Variants in FAM135B observed in about 807,000 individuals in gnomAD.
FAM135B encodes the protein protein FAM135B.
A neutral mutation model predicts 127.7 loss-of-function variants in FAM135B; 43 were observed. The observed-to-expected ratio is 0.34, with a 90% CI of 0.26 to 0.43. FAM135B has a LOEUF of 0.43. FAM135B is among the 20% of genes least tolerant of loss of function. The probability of loss-of-function intolerance (pLI) is 1.00; values close to 1 mark genes in which losing one functional copy is unlikely to be tolerated. For synonymous variants in FAM135B, 670 were observed against 665.1 expected, an observed-to-expected ratio of 1.01 and a Z score of -0.11; for missense variants, 1,558 against 1,725.6, an observed-to-expected ratio of 0.90 and a Z score of 1.72.
At chr8:138,230,759 C>T (rs1056102843) in intron 7 of FAM135B, among the ~76,000 whole-genome samples, 1 of 152,110 alleles carries the variant, frequency 6.6e-6, no homozygotes, top group Non-Finnish European at 1.5e-5. Context: ...CTACCTCTTG[C>T]CCTACAGCAC....
rs576561258 is a variant in FAM135B, at chr8:138,453,352, T to A, written c.-20+43319A>T. ...TATCCCATATAAAAATACCTATTAT[T>A]TATACAAGAATATTTCCTGTAGGCA... is the stretch of plus-strand genomic sequence containing the variant. On this transcript the variant is annotated intron_variant, in intron 1 of 19. Coordinates refer to ENST00000395297, the MANE Select transcript of FAM135B (RefSeq NM_015912.4). 5.1e-4 allele frequency among the ~76,000 whole-genome samples: 78 copies of A among 152,016 alleles called. No homozygotes were observed. The South Asian group carries it at 0.016, about 31-fold the overall frequency.
intron 3 of FAM135B, among the ~76,000 whole-genome samples, chr8:138,275,787 T>C (rs2130707803): frequency 6.6e-6 from 1 of 152,220 alleles, no homozygotes; most frequent in South Asian, 2.1e-4. Flanking sequence ...TTTACTATGG[T>C]TAATTGGCCC....
chr8:138,215,349 A>G (rs1818464453), intron 7 of FAM135B, among the ~76,000 whole-genome samples: 2 of 152,332 alleles, frequency 1.3e-5, no homozygotes, highest in Admixed American at 1.3e-4. Flanking sequence ...TAAATACTCA[A>G]AATAATATTT....
At chr8:138,191,762 C>A (rs1450754567) in intron 9 of FAM135B, among the ~76,000 whole-genome samples, 2 of 152,224 alleles carry the variant, frequency 1.3e-5, no homozygotes, top group Non-Finnish European at 2.9e-5. Context: ...GGACATTTAA[C>A]CATATTCCCT....
At chr8:138,482,432 A>C (rs1814818827) in intron 1 of FAM135B, among the ~76,000 whole-genome samples, 1 of 152,164 alleles carries the variant, frequency 6.6e-6, no homozygotes, top group Admixed American at 6.5e-5. Context: ...AGAGGATCCC[A>C]TACCATGCTT....
intron 7 of FAM135B, among the ~76,000 whole-genome samples, chr8:138,225,675 T>C (rs1472459674): frequency 6.6e-6 from 1 of 151,870 alleles, no homozygotes; most frequent in Non-Finnish European, 1.5e-5. Flanking sequence ...TAGGAGAAAA[T>C]GATTGAGGGA....
chr8:138,315,579 A>G (rs758698900), intron 2 of FAM135B, among the ~76,000 whole-genome samples: 2 of 152,146 alleles, frequency 1.3e-5, no homozygotes, highest in Non-Finnish European at 1.5e-5. Context: ...ATAAGTGCCC[A>G]GCAATGAATC....
At chr8:138,161,571 AATGC>A (rs1819394488) in intron 12 of FAM135B, among the ~76,000 whole-genome samples, 1 of 152,256 alleles carries the variant, frequency 6.6e-6, no homozygotes, top group South Asian at 2.1e-4. Flanking sequence ...AAGTTAAATC[AATGC>A]AATCACTATT....
Position 138,153,042 on chromosome 8 carries a change from C to G in FAM135B, c.1433G>C (p.Arg478Thr). The G allele has an allele frequency of 6.2e-7, 1 of 1,614,116 alleles. No homozygotes were observed. Among genetic ancestry groups the G allele is most frequent in the Non-Finnish European group, 8.5e-7 (1 of 1,180,016 alleles). Residue 478 changes from arginine to threonine, a missense_variant, in exon 13 of 20, where the codon AGG becomes ACG. By Grantham distance (71) the Arg-to-Thr change is moderately conservative. Around this residue, in one of 5 missense-constraint regions of FAM135B, gnomAD observed 923 missense variants for 865.3 expected, o/e 1.07. Coordinates refer to ENST00000395297, the MANE Select transcript of FAM135B (RefSeq NM_015912.4). ...CACATTCTCACCTGGCTCTGGACAC[C>G]TTATAACTTCTTCATCAGAATCCAT... ...SQMDSDEEVI[R>T]CPEPGENVAT...
intron 3 of FAM135B, among the ~76,000 whole-genome samples, chr8:138,276,194 T>C (rs73439062): frequency 0.046 from 7,037 of 152,258 alleles, 190 homozygotes; most frequent in East Asian, 0.08. Context: ...CTCAGCAAAT[T>C]GGAGGCAAAG....
At chr8:138,193,459 T>C (rs1157482204) in intron 9 of FAM135B, among the ~76,000 whole-genome samples, 2 of 152,122 alleles carry the variant, frequency 1.3e-5, no homozygotes, top group Non-Finnish European at 2.9e-5. Flanking sequence ...AGTGGGCGTA[T>C]TGACAAATAG....
chr8:138,146,349 A>T (rs9324483), intron 14 of FAM135B, among the ~76,000 whole-genome samples: 1 of 151,986 alleles, frequency 6.6e-6, no homozygotes. Flanking sequence ...GAGATACACC[A>T]CCTCCCCTTC....
chr8:138,439,296 T>A lies in FAM135B; in HGVS notation c.-20+57375A>T, dbSNP rs529724209. 3 of 152,316 alleles carry A rather than the reference T, an allele frequency of 2.0e-5. No individual in the cohort carries two copies. In the South Asian group the frequency reaches 6.2e-4, roughly 32 times the overall value. 9.4% of individuals were successfully genotyped at this position (152,316 alleles called of 1,614,324 possible). A position where few individuals can be genotyped will look rare whatever the true frequency, so the allele number is the denominator to read the frequency against. ...GCCCTGTGTGGTCAATATGAGAGAA[T>A]CATAGCACATAGGACAATAAATGAC... On this transcript the variant is annotated intron_variant, in intron 1 of 19. Transcript: ENST00000395297.
chr8:138,306,221 G>C (rs1190300145), intron 3 of FAM135B, among the ~76,000 whole-genome samples: 1 of 151,856 alleles, frequency 6.6e-6, no homozygotes, highest in Non-Finnish European at 1.5e-5. Context: ...GATCACTTGA[G>C]GTCAGGAGTG....
intron 1 of FAM135B, among the ~76,000 whole-genome samples, chr8:138,494,898 G>C (rs755004600): frequency 6.6e-6 from 1 of 151,104 alleles, no homozygotes; most frequent in Non-Finnish European, 1.5e-5. Context: ...CAAACTAGAC[G>C]AGTGCTGCAT....
At chr8:138,289,936 A>G (rs928475288) in intron 3 of FAM135B, among the ~76,000 whole-genome samples, 15 of 152,348 alleles carry the variant, frequency 9.8e-5, no homozygotes, top group African/African-American at 3.6e-4. Flanking sequence ...ATGACAGATC[A>G]TCAACTATAT....
intron 3 of FAM135B, among the ~76,000 whole-genome samples, chr8:138,284,023 T>C (rs940532886): frequency 3.9e-5 from 6 of 152,042 alleles, no homozygotes; most frequent in Non-Finnish European, 8.8e-5. Flanking sequence ...GTGTGGGTGG[T>C]ATACGGGAAA....
intron 2 of FAM135B, among the ~76,000 whole-genome samples, chr8:138,352,533 G>A (rs903696486): frequency 6.6e-6 from 1 of 152,144 alleles, no homozygotes; most frequent in Non-Finnish European, 1.5e-5. Context: ...TGGGAGCCAG[G>A]CATCCATTCA....
chr8:138,257,001 G>A (rs1385784146), intron 4 of FAM135B, among the ~76,000 whole-genome samples: 1 of 152,058 alleles, frequency 6.6e-6, no homozygotes, highest in Non-Finnish European at 1.5e-5. Flanking sequence ...AAGTCAGTTT[G>A]CAAAAAAAAT....
Sources: gnomAD v4.1 joint callset for allele counts (sites outside exome capture counted in the v4.1 genomes callset) on GRCh38, gnomAD v4.1.1 for gene constraint, gnomAD v4.1.1 regional missense constraint, MANE v1.5 for transcripts, NCBI Gene and HGNC (gene_info 2026-07-23, HGNC 2026-07-21) for gene names.